SLC27A2: variants seen among roughly 807,000 people sequenced by gnomAD.
SLC27A2 encodes the protein long-chain fatty acid transport protein 2.
In SLC27A2, 54 loss-of-function variants were observed where a neutral mutation model predicts 60.0. That is an observed-to-expected ratio of 0.90 (90% CI 0.72 to 1.13). The LOEUF is 1.13. Ranked by LOEUF, SLC27A2 falls within the 50% of genes most tolerant of loss-of-function variation. SLC27A2 has a pLI of 0.00. For synonymous variants in SLC27A2, 297 were observed against 297.6 expected (o/e 1.00, Z 0.02); for missense variants, 739 against 777.6 (o/e 0.95, Z 0.59).
chr15:50,190,598 A>G lies in SLC27A2; in HGVS notation c.479-6902A>G, dbSNP rs561099365. 1.0e-4 allele frequency among the ~76,000 whole-genome samples: 14 copies of G among 134,502 alleles called. No homozygotes were observed. The East Asian group carries it at 3.2e-3, about 30-fold the overall frequency. The allele number at this position is 134,502 out of a possible 152,430, so 88.2% of individuals were successfully genotyped here. Reference sequence around the variant, plus strand: ...TCTAGCAATGGACTTGTTTATTCAGAAAATTCTTCCTTTTTCCTTAAAAAA... The same window carrying G: ...TCTAGCAATGGACTTGTTTATTCAGGAAATTCTTCCTTTTTCCTTAAAAAA... On this transcript the variant is annotated intron_variant, in intron 1 of 9. Transcript: ENST00000267842.
rs1187490351 is a variant in SLC27A2 at position 50,228,927 on chromosome 15, C to G, written c.1458-18C>G. On this transcript the variant is annotated intron_variant, in intron 7 of 9. Transcript: ENST00000267842. ...AGAAACCACCAGTGACCTCTGCTAA[C>G]TTTGTCCTTTCTTCCAGGTGGAAAG... The G allele has an allele frequency of 6.3e-7, 1 of 1,581,902 alleles. No individual in the cohort carries two copies. Among genetic ancestry groups the G allele is most frequent in the Non-Finnish European group, 8.7e-7 (1 of 1,150,690 alleles).
intron 2 of SLC27A2, 99 bp downstream of exon 2, chr15:50,197,808 A>G: frequency 7.8e-6 from 6 of 773,108 alleles, no homozygotes; most frequent in Non-Finnish European, 1.3e-5. Flanking sequence ...CGTATTGGGT[A>G]ACTAATACTT....
At chr15:50,233,338 C>G (rs2045328663) in intron 8 of SLC27A2, among the ~76,000 whole-genome samples, 1 of 152,172 alleles carries the variant, frequency 6.6e-6, no homozygotes, top group Non-Finnish European at 1.5e-5. Flanking sequence ...GTAAGTCATG[C>G]ATGGAGGTGG....
At chr15:50,206,756 G>T (rs553519231) in intron 4 of SLC27A2, among the ~76,000 whole-genome samples, 23 of 152,292 alleles carry the variant, frequency 1.5e-4, no homozygotes, top group African/African-American at 5.5e-4. Context: ...ATCTGTAAAT[G>T]ACACATCATA....
Position 50,185,621 on chromosome 15 carries a change from CTT to C in SLC27A2, c.478+2741_478+2742del, listed in dbSNP as rs531026687. Among the ~76,000 whole-genome samples the C allele has an allele frequency of 6.2e-3, 594 of 95,652 alleles. 2 individuals carry two copies. Among genetic ancestry groups the C allele is most frequent in the African/African-American group, 0.026 (544 of 21,046 alleles). The allele number at this position is 95,652 out of a possible 152,430, so 62.8% of individuals were successfully genotyped here. ...GCCCAAGAATCACCTAGGAAGCTTA[CTT>C]TTTTTTTTTTTTTTTTTTTTTTTTG... On this transcript the variant is annotated intron_variant, in intron 1 of 9. Transcript: ENST00000267842.
chr15:50,199,747 A>G (rs1001576579), intron 2 of SLC27A2, among the ~76,000 whole-genome samples: 1 of 151,976 alleles, frequency 6.6e-6, no homozygotes, highest in Admixed American at 6.6e-5. Flanking sequence ...TGGGCAACAT[A>G]GCGAGACCAC....
intron 1 of SLC27A2, among the ~76,000 whole-genome samples, chr15:50,184,709 T>A (rs892133686): frequency 1.3e-5 from 2 of 149,614 alleles, no homozygotes; most frequent in African/African-American, 4.9e-5. Context: ...TGGTGGCGCG[T>A]GCCTGTAATC....
intron 1 of SLC27A2, among the ~76,000 whole-genome samples, chr15:50,188,637 G>A (rs1436142161): frequency 6.6e-6 from 1 of 152,138 alleles, no homozygotes; most frequent in Non-Finnish European, 1.5e-5. Flanking sequence ...CCCTAGTAAT[G>A]TCTAGCACAT....
At chr15:50,189,748 G>A (rs759336350) in intron 1 of SLC27A2, among the ~76,000 whole-genome samples, 6 of 152,174 alleles carry the variant, frequency 3.9e-5, no homozygotes, top group Non-Finnish European at 8.8e-5. Flanking sequence ...TATTTGAAAA[G>A]GACCTTCCCA....
chr15:50,188,871 A>T (rs1462327066), intron 1 of SLC27A2, among the ~76,000 whole-genome samples: 1 of 152,266 alleles, frequency 6.6e-6, no homozygotes, highest in East Asian at 1.9e-4. Flanking sequence ...GAGGCACAAG[A>T]ATCACTTGAA....
intron 3 of SLC27A2, among the ~76,000 whole-genome samples, chr15:50,204,299 T>C (rs1279577001): frequency 2.6e-5 from 4 of 151,840 alleles, no homozygotes; most frequent in Non-Finnish European, 5.9e-5. Flanking sequence ...ACCCCATCCC[T>C]TCTTAAAAAA....
intron 1 of SLC27A2, among the ~76,000 whole-genome samples, chr15:50,191,535 G>A (rs1167592453): frequency 6.6e-6 from 1 of 152,158 alleles, no homozygotes; most frequent in Non-Finnish European, 1.5e-5. Flanking sequence ...TGCTGAGGGA[G>A]ACTTCTGTTG....
chr15:50,188,355 G>C (rs949962229), intron 1 of SLC27A2, among the ~76,000 whole-genome samples: 2 of 152,130 alleles, frequency 1.3e-5, no homozygotes, highest in African/African-American at 2.4e-5. Context: ...CCTAATAATA[G>C]TCATTTTTTT....
At position 50,199,103 on chromosome 15, in the gene SLC27A2, A is replaced by G. The variant is rs149517971; in HGVS notation, c.688+1394A>G. 6.9e-3 allele frequency among the ~76,000 whole-genome samples: 1,055 copies of G among 152,208 alleles called. 28 individuals are homozygous for G. Among genetic ancestry groups the G allele is most frequent in the Admixed American group, 0.05 (771 of 15,272 alleles). ...ACAATTAACCAATTGCTTCTGCTGC[A>G]TGCAGACACTCCCTTAACATATGGG... On this transcript the variant is annotated intron_variant, in intron 2 of 9. Coordinates refer to ENST00000267842, the MANE Select transcript of SLC27A2 (RefSeq NM_003645.4).
chr15:50,202,638 T>C lies in SLC27A2; in HGVS notation c.840T>C (p.Ile280=), dbSNP rs747416456. 1.2e-6 allele frequency: 2 copies of C among 1,612,178 alleles called. No homozygotes were observed. Among genetic ancestry groups the C allele is most frequent in the African/African-American group, 2.7e-5 (2 of 75,016 alleles). The change falls in exon 3 of 10, where the codon ATT becomes ATC. Residue 280 remains isoleucine, a synonymous_variant. Coordinates refer to ENST00000267842, the MANE Select transcript of SLC27A2 (RefSeq NM_003645.4). The stretch of plus-strand genomic sequence containing the variant: ...TACTGATTGGCATTCACGGATGTAT[T>C]GTGGCTGGTAAGCTTTTTCTACAAA... ...AALLIGIHGC[I]VAGATLALRT... is the part of the protein sequence containing the mutation.
intron 8 of SLC27A2, among the ~76,000 whole-genome samples, chr15:50,233,015 T>G (rs761483713): frequency 6.6e-6 from 1 of 152,064 alleles, no homozygotes; most frequent in Non-Finnish European, 1.5e-5. Flanking sequence ...AGAAGATACA[T>G]TAATACCTAA....
At chr15:50,234,479 C>T (rs1407372256) in intron 9 of SLC27A2, among the ~76,000 whole-genome samples, 2 of 149,820 alleles carry the variant, frequency 1.3e-5, no homozygotes, top group African/African-American at 2.5e-5. Flanking sequence ...CCCAGCTACT[C>T]GGGAGGCTGG....
intron 1 of SLC27A2, among the ~76,000 whole-genome samples, chr15:50,196,122 ATATG>A (rs1349184904): frequency 9.9e-6 from 1 of 100,528 alleles, no homozygotes; most frequent in Non-Finnish European, 2.0e-5. Context: ...ATATATATAT[ATATG>A]TATGTACATT....
At chr15:50,186,940 A>G (rs758397630) in intron 1 of SLC27A2, among the ~76,000 whole-genome samples, 7 of 152,224 alleles carry the variant, frequency 4.6e-5, no homozygotes, top group Non-Finnish European at 8.8e-5. Flanking sequence ...GTTTCAGCCC[A>G]GGGCTTGTGG....
Sources: gnomAD v4.1 joint callset for allele counts (sites outside exome capture counted in the v4.1 genomes callset) on GRCh38, gnomAD v4.1.1 for gene constraint, MANE v1.5 for transcripts, NCBI Gene and HGNC (gene_info 2026-07-23, HGNC 2026-07-21) for gene names.